Variants in MTUS2 observed in about 807,000 individuals in gnomAD.
MTUS2 encodes the protein microtubule-associated tumor suppressor candidate 2.
A neutral mutation model predicts 114.1 loss-of-function variants in MTUS2; 40 were observed. The ratio of observed to expected loss-of-function variants is 0.35; its 90% CI spans 0.27 to 0.46. MTUS2 has a LOEUF of 0.46. Among genes scored for constraint, MTUS2 ranks in the 20% least tolerant of loss-of-function variants. The pLI is 1.00. For synonymous variants in MTUS2, 688 were observed against 672.0 expected, an observed-to-expected ratio of 1.02 and a Z score of -0.37; for missense variants, 1,679 against 1,705.4, an observed-to-expected ratio of 0.98 and a Z score of 0.27.
intron 2 of MTUS2, among the ~76,000 whole-genome samples, chr13:28,841,906 C>T (rs961216576): frequency 1.3e-5 from 2 of 152,146 alleles, no homozygotes; most frequent in Admixed American, 6.5e-5. Flanking sequence ...AGGATGGCCT[C>T]GATCTCTTGA....
intron 5 of MTUS2, among the ~76,000 whole-genome samples, chr13:29,141,463 C>G (rs1892216271): frequency 1.3e-5 from 2 of 152,206 alleles, no homozygotes; most frequent in Non-Finnish European, 1.5e-5. Flanking sequence ...GCAGATAATT[C>G]AGTTTGATTG....
chr13:29,461,262 T>G (rs928925085), intron 9 of MTUS2, among the ~76,000 whole-genome samples: 2 of 152,166 alleles, frequency 1.3e-5, no homozygotes, highest in African/African-American at 2.4e-5. Context: ...CCCTCTCCCA[T>G]GATAATGACA....
intron 2 of MTUS2, among the ~76,000 whole-genome samples, chr13:29,012,785 A>G (rs540535752): frequency 6.6e-6 from 1 of 152,138 alleles, no homozygotes; most frequent in Admixed American, 6.5e-5. Flanking sequence ...GAGGCAGGAG[A>G]ATGGCGTGAA....
intron 3 of MTUS2, 113 bp downstream of exon 3, chr13:29,027,016 C>G: frequency 9.0e-7 from 1 of 1,112,552 alleles, no homozygotes; most frequent in South Asian, 1.7e-5. Flanking sequence ...TACAGATTTT[C>G]ATGGATACAC....
intron 4 of MTUS2, among the ~76,000 whole-genome samples, chr13:29,074,510 A>G (rs1011183974): frequency 6.6e-6 from 1 of 152,184 alleles, no homozygotes; most frequent in Non-Finnish European, 1.5e-5. Flanking sequence ...TGTACATTCA[A>G]TGATTATTTC....
At position 28,981,521 on chromosome 13, in the gene MTUS2, A is replaced by G. The variant is rs542428151; in HGVS notation, c.-242-42936A>G. The stretch of plus-strand genomic sequence containing the variant: ...TGTGTTTTTCAGAACTCATAGAAGT[A>G]TACACTTAAAGGAGTACATTTCGCT... On this transcript the variant is annotated intron_variant, in intron 2 of 15. Coordinates refer to ENST00000612955, the MANE Select transcript of MTUS2 (RefSeq NM_001033602.4). Among the ~76,000 whole-genome samples, 5 of 152,352 alleles carry G rather than the reference A, an allele frequency of 3.3e-5. No individual in the cohort carries two copies. The East Asian group carries it at 5.8e-4, about 18-fold the overall frequency.
intron 2 of MTUS2, among the ~76,000 whole-genome samples, chr13:28,892,794 A>T (rs558839480): frequency 6.6e-6 from 1 of 152,244 alleles, no homozygotes; most frequent in South Asian, 2.1e-4. Context: ...CTTGCAATGA[A>T]CCTCAGGTAC....
chr13:29,155,144 G>A (rs1342157426), intron 5 of MTUS2, among the ~76,000 whole-genome samples: 1 of 152,194 alleles, frequency 6.6e-6, no homozygotes, highest in East Asian at 1.9e-4. Flanking sequence ...GTAAAATATA[G>A]TACCGTTTAT....
chr13:29,215,191 G>C (rs1895626399), intron 5 of MTUS2, among the ~76,000 whole-genome samples: 1 of 151,606 alleles, frequency 6.6e-6, no homozygotes, highest in Non-Finnish European at 1.5e-5. Context: ...AAGTTCTCTT[G>C]CTGTGTTTTT....
At chr13:29,044,263 A>G (rs1887510409) in intron 4 of MTUS2, among the ~76,000 whole-genome samples, 1 of 146,992 alleles carries the variant, frequency 6.8e-6, no homozygotes, top group South Asian at 2.4e-4. Context: ...ATGCTGTTTT[A>G]GTAATTTCTA....
intron 7 of MTUS2, among the ~76,000 whole-genome samples, chr13:29,352,905 G>A (rs1272664616): frequency 1.3e-5 from 2 of 152,050 alleles, no homozygotes; most frequent in African/African-American, 4.8e-5. Context: ...TTTCTCTACA[G>A]TTCTTATTTA....
chr13:29,486,088 A>T (rs907404648), intron 10 of MTUS2, among the ~76,000 whole-genome samples: 1 of 152,230 alleles, frequency 6.6e-6, no homozygotes, highest in African/African-American at 2.4e-5. Context: ...AAAACCTCCT[A>T]TAAACAGGAA....
At chr13:29,335,244 A>T (rs189774487) in intron 7 of MTUS2, among the ~76,000 whole-genome samples, 1 of 152,150 alleles carries the variant, frequency 6.6e-6, no homozygotes, top group Non-Finnish European at 1.5e-5. Flanking sequence ...TTACGGTCGT[A>T]GATAAGGGAT....
chr13:29,449,795 A>G (rs903401376), intron 9 of MTUS2, among the ~76,000 whole-genome samples: 2 of 152,198 alleles, frequency 1.3e-5, no homozygotes, highest in African/African-American at 4.8e-5. Flanking sequence ...CTGTCCAAAC[A>G]TGGATTATAA....
chr13:28,904,788 A>T (rs930040497), intron 2 of MTUS2, among the ~76,000 whole-genome samples: 8 of 152,276 alleles, frequency 5.3e-5, no homozygotes, highest in South Asian at 2.1e-4. Flanking sequence ...CAATTCTGTG[A>T]AGCAAGTCAT....
intron 5 of MTUS2, among the ~76,000 whole-genome samples, chr13:29,262,196 C>G (rs944243629): frequency 4.6e-5 from 7 of 152,224 alleles, no homozygotes; most frequent in African/African-American, 1.7e-4. Flanking sequence ...CGTTAAGCAG[C>G]TCTGTCTTTC....
At chr13:28,845,450 T>C (rs1446982138) in intron 2 of MTUS2, among the ~76,000 whole-genome samples, 1 of 152,236 alleles carries the variant, frequency 6.6e-6, no homozygotes, top group Non-Finnish European at 1.5e-5. Flanking sequence ...GGAAGTAGAA[T>C]TCTTTTTCTT....
intron 9 of MTUS2, among the ~76,000 whole-genome samples, chr13:29,451,856 T>C (rs1878706404): frequency 6.6e-6 from 1 of 152,204 alleles, no homozygotes; most frequent in Non-Finnish European, 1.5e-5. Flanking sequence ...CCCAAAGTGC[T>C]GGGATTATAG....
chr13:28,888,853 AC>A (rs1878752456), intron 2 of MTUS2, among the ~76,000 whole-genome samples: 1 of 152,222 alleles, frequency 6.6e-6, no homozygotes. Context: ...ATTGCAAGCA[AC>A]CTTTGGGTTG....
Sources: allele counts gnomAD v4.1 joint callset (sites outside exome capture counted in the v4.1 genomes callset), GRCh38; gene constraint gnomAD v4.1.1; transcripts MANE v1.5; gene names NCBI Gene and HGNC (gene_info 2026-07-23, HGNC 2026-07-21).